The following LIMA1 variants were observed in gnomAD, a reference collection of about 807,000 sequenced individuals.
LIMA1 encodes LIM domain and actin binding 1.
In LIMA1, 52 loss-of-function variants were observed where a neutral mutation model predicts 62.6. That is an observed-to-expected ratio of 0.83 (90% confidence interval 0.67 to 1.05). The LOEUF (loss-of-function observed/expected upper bound fraction) is 1.05. Among genes scored for constraint, LIMA1 ranks in the 50% least tolerant of loss-of-function variants. LIMA1 has a pLI of 0.00. For synonymous variants in LIMA1, 302 were observed against 317.8 expected (o/e 0.95, Z 0.53); for missense variants, 780 against 902.2 (o/e 0.86, Z 1.74).
At chr12:50,221,897 T>TA in intron 4 of LIMA1, 124 bp downstream of exon 4, 1 of 752,290 alleles carries the variant, frequency 1.3e-6, no homozygotes, top group Non-Finnish European at 2.2e-6. Context: ...TTAACTTATC[T>TA]AACTGGAATC....
At chr12:50,203,341 G>A (rs1372177119) in intron 6 of LIMA1, among the ~76,000 whole-genome samples, 1 of 151,912 alleles carries the variant, frequency 6.6e-6, no homozygotes, top group Non-Finnish European at 1.5e-5. Context: ...TAGCAGTTCT[G>A]TAGCATCAGC....
chr12:50,193,650 GTATA>G (rs1245022184), intron 8 of LIMA1, among the ~76,000 whole-genome samples: 3 of 64,320 alleles, frequency 4.7e-5, no homozygotes, highest in South Asian at 4.7e-4. Flanking sequence ...GTGTGTGTGT[GTATA>G]TATATATATA....
intron 9 of LIMA1, chr12:50,187,034 A>G (rs970709052): frequency 1.3e-5 from 2 of 152,166 alleles, no homozygotes; most frequent in African/African-American, 2.4e-5. Context: ...TGTGTAGATA[A>G]TATCTTCAGG....
intron 4 of LIMA1, among the ~76,000 whole-genome samples, chr12:50,211,228 C>T (rs1179201392): frequency 1.3e-5 from 2 of 149,032 alleles, no homozygotes; most frequent in African/African-American, 5.0e-5. Context: ...GAGGCTGAGG[C>T]AGGAGAATCA....
chr12:50,204,244 T>C (rs1370737152), intron 6 of LIMA1: 1 of 227,366 alleles, frequency 4.4e-6, no homozygotes, highest in Non-Finnish European at 8.5e-6. Context: ...ATATTAAAAC[T>C]AATAAAATAC....
At chr12:50,196,537 A>G (rs904806751) in intron 7 of LIMA1, among the ~76,000 whole-genome samples, 1 of 152,226 alleles carries the variant, frequency 6.6e-6, no homozygotes, top group Non-Finnish European at 1.5e-5. Flanking sequence ...TCAAATTTAA[A>G]TAAAAGAACT....
chr12:50,263,047 AGGTTCACC>A (rs1942090998), intron 1 of LIMA1, among the ~76,000 whole-genome samples: 1 of 152,154 alleles, frequency 6.6e-6, no homozygotes, highest in African/African-American at 2.4e-5. Context: ...CCCATCATCT[AGGTTCACC>A]TAGTACTTTT....
At chr12:50,200,539 T>G (rs1471911057) in intron 7 of LIMA1, among the ~76,000 whole-genome samples, 1 of 152,232 alleles carries the variant, frequency 6.6e-6, no homozygotes, top group East Asian at 1.9e-4. Context: ...GCTCTTTGCC[T>G]TCTGAGCATC....
At chr12:50,261,511 ACCC>A (rs1268407415) in intron 1 of LIMA1, among the ~76,000 whole-genome samples, 1 of 152,018 alleles carries the variant, frequency 6.6e-6, no homozygotes, top group African/African-American at 2.4e-5. Flanking sequence ...GGACACTGCT[ACCC>A]TCTGTCTGAA....
At chr12:50,232,667 C>A (rs1399198827) in intron 2 of LIMA1, among the ~76,000 whole-genome samples, 1 of 152,182 alleles carries the variant, frequency 6.6e-6, no homozygotes, top group Admixed American at 6.5e-5. Context: ...CCAGGCCCAG[C>A]CCCCCAGCCA....
chr12:50,208,551 G>A (rs904139213), intron 4 of LIMA1, among the ~76,000 whole-genome samples: 2 of 152,186 alleles, frequency 1.3e-5, no homozygotes, highest in Non-Finnish European at 2.9e-5. Flanking sequence ...TCAGAAGGCT[G>A]CAGTAGGAAA....
intron 1 of LIMA1, among the ~76,000 whole-genome samples, chr12:50,274,323 C>T (rs1249201351): frequency 1.3e-5 from 2 of 152,166 alleles, no homozygotes; most frequent in African/African-American, 4.8e-5. Flanking sequence ...CGATGGCTCA[C>T]GCCTGTAATC....
At chr12:50,221,992 CTCAAGTT>C (rs1273776697) in intron 4 of LIMA1, 22 bp downstream of exon 4, 4 of 1,568,560 alleles carry the variant, frequency 2.6e-6, no homozygotes, top group Non-Finnish European at 3.5e-6. Context: ...AATTGGCTTT[CTCAAGTT>C]TCAAACCCGC....
chr12:50,177,522 C>T lies in LIMA1; in HGVS notation c.1822G>A (p.Val608Met), dbSNP rs1451564301. ...CAGCCTTTCCTGATAGGTGGGGACA[C>T]AGTTTTTGGGCTCTTGACAGAGGTG... ...QSTSVKSPKTVSPPIRKGWSM... is the reference protein window; with the variant it reads ...QSTSVKSPKTMSPPIRKGWSM... Residue 608 changes from valine to methionine, a missense_variant, in exon 11 of 11, where the codon GTG becomes ATG. Physicochemically the swap from Val to Met is conservative, Grantham distance 21 (BLOSUM62 1). Coordinates refer to ENST00000341247, the MANE Select transcript of LIMA1 (RefSeq NM_016357.5). 2 of 1,612,006 alleles carry T rather than the reference C, an allele frequency of 1.2e-6. No homozygotes were observed. Among genetic ancestry groups the T allele is most frequent in the East Asian group, 4.5e-5 (2 of 44,866 alleles).
At chr12:50,274,138 T>TA (rs533066450) in intron 1 of LIMA1, among the ~76,000 whole-genome samples, 9 of 151,900 alleles carry the variant, frequency 5.9e-5, no homozygotes, top group African/African-American at 1.7e-4. Context: ...GTTGTCCAGT[T>TA]AAAAAAAATA....
chr12:50,230,296 A>G (rs539524223), intron 3 of LIMA1, among the ~76,000 whole-genome samples: 2 of 152,216 alleles, frequency 1.3e-5, no homozygotes, highest in Non-Finnish European at 2.9e-5. Context: ...TCGGCCTCCC[A>G]AAGTGCTGGG....
intron 1 of LIMA1, chr12:50,249,596 A>G (rs1001734961): frequency 6.6e-6 from 1 of 152,132 alleles, no homozygotes; most frequent in Non-Finnish European, 1.5e-5. Context: ...ATAAAGCCAT[A>G]CCCTTGATAT....
chr12:50,224,007 C>T (rs772088675), intron 3 of LIMA1, among the ~76,000 whole-genome samples: 8 of 151,552 alleles, frequency 5.3e-5, no homozygotes, highest in Non-Finnish European at 1.0e-4. Flanking sequence ...CACTGCACTC[C>T]AGTCCGGGTG....
chr12:50,233,288 G>A (rs1321682634), intron 2 of LIMA1, among the ~76,000 whole-genome samples: 3 of 151,036 alleles, frequency 2.0e-5, no homozygotes, highest in Non-Finnish European at 1.5e-5. Context: ...CTACTTTCAG[G>A]ATTGCCAGGA....
Sources: gnomAD v4.1 joint callset for allele counts (sites outside exome capture counted in the v4.1 genomes callset) on GRCh38, gnomAD v4.1.1 for gene constraint, MANE v1.5 for transcripts, NCBI Gene and HGNC (gene_info 2026-07-23, HGNC 2026-07-21) for gene names.